MCTP1: variants seen among roughly 807,000 people sequenced by gnomAD.
The protein encoded by MCTP1 is multiple C2 and transmembrane domain containing 1.
MCTP1 carries 69 observed loss-of-function variants against 120.6 expected under a neutral mutation model. The ratio of observed to expected loss-of-function variants is 0.57; its 90% CI spans 0.47 to 0.70. MCTP1 has a LOEUF of 0.70. MCTP1 is among the 30% of genes least tolerant of loss of function. MCTP1 has a pLI of 0.00. For missense variants in MCTP1, 1,203 were observed against 1,248.8 expected, an observed-to-expected ratio of 0.96 and a Z score of 0.55; for synonymous variants, 529 against 493.1, an observed-to-expected ratio of 1.07 and a Z score of -0.96.
rs910510417 is a variant in MCTP1 at position 95,098,031 on chromosome 5, A to G, written c.721-80547T>C. 2.0e-5 allele frequency among the ~76,000 whole-genome samples: 3 copies of G among 152,322 alleles called. No homozygotes were observed. In the South Asian group the frequency reaches 6.2e-4, roughly 32 times the overall value. ...AGAAGTTTCTGACATATTTTTCTCTATTCAACTCAATGATTTCTGATCTTT... is the reference window on the plus strand; with the variant it reads ...AGAAGTTTCTGACATATTTTTCTCTGTTCAACTCAATGATTTCTGATCTTT... On this transcript the variant is annotated intron_variant, in intron 1 of 22. Coordinates refer to ENST00000515393, the MANE Select transcript of MCTP1 (RefSeq NM_024717.7).
intron 1 of MCTP1, among the ~76,000 whole-genome samples, chr5:95,274,109 T>A (rs1249448134): frequency 6.6e-6 from 1 of 152,184 alleles, no homozygotes; most frequent in Non-Finnish European, 1.5e-5. Flanking sequence ...TCAGCCCTCA[T>A]ATCTGGCCAC....
At position 95,284,614 on chromosome 5, in the gene MCTP1, C is replaced by G. The variant is rs770987839; in HGVS notation, c.-39G>C. The G allele has an allele frequency of 7.4e-7, 1 of 1,357,670 alleles. No individual in the cohort carries two copies. Among genetic ancestry groups the G allele is most frequent in the African/African-American group, 1.6e-5 (1 of 64,514 alleles). The allele number at this position is 1,357,670 out of a possible 1,614,324, so 84.1% of individuals were successfully genotyped here. ...CTCCTCCTCTCCCCTCCTCCTCCTC[C>G]TCCTCCTCCTGCTTCTCCTCCCTCT... On this transcript the variant is annotated 5_prime_UTR_variant, in exon 1 of 23. Transcript: ENST00000515393. This position sits in a 1 kb window ranked among gnomAD's most constrained non-coding sequence, Gnocchi z 5.2.
intron 2 of MCTP1, among the ~76,000 whole-genome samples, chr5:95,005,775 T>C (rs1834610306): frequency 6.8e-6 from 1 of 147,676 alleles, no homozygotes. Context: ...TCTTTATTTT[T>C]TTTTTTTTTT....
chr5:94,966,986 C>T lies in MCTP1; in HGVS notation c.839-13625G>A, dbSNP rs150034077. On this transcript the variant is annotated intron_variant, in intron 2 of 22. Transcript: ENST00000515393. ...ATGATCATTTTACAAAAAACGCACT[C>T]GCACAAAATCTGGCCTTATTGGGTT... 4.5e-3 allele frequency among the ~76,000 whole-genome samples: 681 copies of T among 152,296 alleles called. 5 individuals are homozygous for T. Among genetic ancestry groups the T allele is most frequent in the African/African-American group, 0.016 (654 of 41,558 alleles).
At position 94,931,943 on chromosome 5, in the gene MCTP1, TA is replaced by T; in HGVS notation, c.1212+9del. 1 of 1,598,370 alleles carries T rather than the reference TA, an allele frequency of 6.3e-7. No individual in the cohort carries two copies. Among genetic ancestry groups the T allele is most frequent in the Non-Finnish European group, 8.6e-7 (1 of 1,168,508 alleles). ...CAAGAAAAGCTGAAAGATCACAAGC[TA>T]AGAATTACCTTACTTGATCTTTTCC... On this transcript the variant is annotated intron_variant, in intron 6 of 22. Coordinates refer to ENST00000515393, the MANE Select transcript of MCTP1 (RefSeq NM_024717.7).
intron 17 of MCTP1, among the ~76,000 whole-genome samples, chr5:94,865,092 G>A (rs189755032): frequency 1.6e-4 from 24 of 151,756 alleles, no homozygotes; most frequent in African/African-American, 5.1e-4. Context: ...ATAAGCACAC[G>A]CCCAGAAACG....
chr5:94,874,912 AGGTAG>A (rs1798519644), intron 12 of MCTP1, among the ~76,000 whole-genome samples: 2 of 152,160 alleles, frequency 1.3e-5, no homozygotes, highest in Non-Finnish European at 2.9e-5. Context: ...GCCACATCTT[AGGTAG>A]GTAGTAGGTC....
chr5:95,271,915 T>C (rs1021522018), intron 1 of MCTP1, among the ~76,000 whole-genome samples: 96 of 152,338 alleles, frequency 6.3e-4, no homozygotes, highest in Admixed American at 5.7e-3. Context: ...AATTGTTTTA[T>C]AATTTTCTCT....
At chr5:95,013,733 A>C (rs1251397383) in intron 2 of MCTP1, among the ~76,000 whole-genome samples, 1 of 152,144 alleles carries the variant, frequency 6.6e-6, no homozygotes, top group Non-Finnish European at 1.5e-5. Flanking sequence ...CAATGCATCT[A>C]GTCACCGGAG....
At chr5:94,844,448 T>C (rs1185626350) in intron 17 of MCTP1, among the ~76,000 whole-genome samples, 2 of 152,090 alleles carry the variant, frequency 1.3e-5, no homozygotes, top group Non-Finnish European at 2.9e-5. Flanking sequence ...GAAATTTACA[T>C]TTTTTTCAAC....
chr5:95,093,079 T>C (rs1048625196), intron 1 of MCTP1, among the ~76,000 whole-genome samples: 1 of 152,068 alleles, frequency 6.6e-6, no homozygotes, highest in Non-Finnish European at 1.5e-5. Flanking sequence ...CAATTTGGAG[T>C]AAAATAGATG....
At chr5:94,953,974 A>G (rs1490911883) in intron 2 of MCTP1, among the ~76,000 whole-genome samples, 1 of 81,382 alleles carries the variant, frequency 1.2e-5, no homozygotes, top group African/African-American at 5.1e-5. Context: ...AAATATATAT[A>G]TGCATATATA....
chr5:94,976,406 C>T (rs975667819), intron 2 of MCTP1, among the ~76,000 whole-genome samples: 18 of 151,956 alleles, frequency 1.2e-4, no homozygotes, highest in African/African-American at 2.7e-4. Flanking sequence ...ACCAAGATCA[C>T]GCCAATGCAC....
At chr5:94,713,482 G>A (rs183488651) in intron 20 of MCTP1, among the ~76,000 whole-genome samples, 19 of 152,176 alleles carry the variant, frequency 1.2e-4, no homozygotes, top group Non-Finnish European at 7.4e-5. Flanking sequence ...TGGTCTTTTG[G>A]TATAAATGAG....
rs57011733 is a variant in MCTP1, at chr5:95,039,878, CAAAAAAAAAA to C, written c.721-22404_721-22395del. Among the ~76,000 whole-genome samples, 64 of 77,622 alleles carry C rather than the reference CAAAAAAAAAA, an allele frequency of 8.2e-4. 1 individual carries two copies. The highest frequency in any genetic ancestry group is 2.9e-3 in the Admixed American group (18 of 6,146). 50.9% of individuals were successfully genotyped at this position (77,622 alleles called of 152,430 possible). On this transcript the variant is annotated intron_variant, in intron 1 of 22. Coordinates refer to ENST00000515393, the MANE Select transcript of MCTP1 (RefSeq NM_024717.7). ...TTATGAGTCTTCTCAGTACCGTTTGCAAAAAAAAAAAAAAAAAAAAAAAAGAAAGATCTAA... is the reference window on the plus strand; with the variant it reads ...TTATGAGTCTTCTCAGTACCGTTTGCAAAAAAAAAAAAAAGAAAGATCTAA...
At chr5:94,953,690 T>C (rs1021264708) in intron 2 of MCTP1, among the ~76,000 whole-genome samples, 1 of 149,686 alleles carries the variant, frequency 6.7e-6, no homozygotes, top group Non-Finnish European at 1.5e-5. Flanking sequence ...CTCAAATGTT[T>C]ATCACAGCAC....
chr5:94,848,389 G>A (rs1212466942), intron 17 of MCTP1, among the ~76,000 whole-genome samples: 1 of 151,612 alleles, frequency 6.6e-6, no homozygotes, highest in African/African-American at 2.4e-5. Context: ...ACAGCCTTGG[G>A]GGTCACCCTC....
chr5:94,866,758 T>A (rs1007386075), intron 17 of MCTP1, among the ~76,000 whole-genome samples: 1 of 151,638 alleles, frequency 6.6e-6, no homozygotes, highest in African/African-American at 2.4e-5. Context: ...TTTTTTTTTT[T>A]AGAATCAAAA....
At chr5:95,164,519 A>C (rs1371179020) in intron 1 of MCTP1, among the ~76,000 whole-genome samples, 2 of 152,180 alleles carry the variant, frequency 1.3e-5, no homozygotes, top group Non-Finnish European at 2.9e-5. Context: ...TTGCTCACTC[A>C]TAATTCTTAG....
Sources: gnomAD v4.1 joint callset for allele counts (sites outside exome capture counted in the v4.1 genomes callset) on GRCh38, gnomAD v4.1.1 for gene constraint, Gnocchi (gnomAD v3.1) non-coding constraint, MANE v1.5 for transcripts, NCBI Gene and HGNC (gene_info 2026-07-23, HGNC 2026-07-21) for gene names.